The following DCC variants were observed in gnomAD, a reference collection of about 807,000 sequenced individuals.
DCC encodes netrin receptor DCC.
In DCC, 58 loss-of-function variants were observed where a neutral mutation model predicts 172.5. The observed-to-expected ratio is 0.34, with a 90% confidence interval of 0.27 to 0.42. The LOEUF is 0.42. DCC is among the 10% of genes least tolerant of loss of function. The pLI is 1.00. For missense variants in DCC, 1,740 were observed against 1,791.0 expected (o/e 0.97, Z 0.51); for synonymous variants, 709 against 644.5 (o/e 1.10, Z -1.52).
chr18:53,307,279 G>A (rs2057211738), intron 13 of DCC, among the ~76,000 whole-genome samples: 1 of 152,114 alleles, frequency 6.6e-6, no homozygotes, highest in Non-Finnish European at 1.5e-5. Context: ...AAAAGATTTT[G>A]AAAAGCCAAT....
intron 3 of DCC, among the ~76,000 whole-genome samples, chr18:52,914,540 TC>T (rs1449667678): frequency 7.9e-6 from 1 of 125,840 alleles, no homozygotes; most frequent in African/African-American, 2.8e-5. Context: ...TCCCTCCATG[TC>T]CAAAAGCTCC....
At chr18:53,257,849 T>A (rs1278724246) in intron 12 of DCC, among the ~76,000 whole-genome samples, 4 of 152,192 alleles carry the variant, frequency 2.6e-5, no homozygotes, top group African/African-American at 9.7e-5. Flanking sequence ...CCTGGACTTT[T>A]TTTGGTTGGT....
intron 1 of DCC, among the ~76,000 whole-genome samples, chr18:52,649,190 G>A (rs2035076087): frequency 6.6e-6 from 1 of 152,006 alleles, no homozygotes; most frequent in South Asian, 2.1e-4. Context: ...TGGCTAACAC[G>A]GTAAAACCCC....
At chr18:53,425,014 G>C (rs981926732) in intron 21 of DCC, among the ~76,000 whole-genome samples, 1 of 152,038 alleles carries the variant, frequency 6.6e-6, no homozygotes, top group Non-Finnish European at 1.5e-5. Context: ...GCTTGGAGGG[G>C]TGTGACTGTG....
intron 12 of DCC, among the ~76,000 whole-genome samples, chr18:53,221,447 G>A (rs541810846): frequency 5.3e-5 from 8 of 152,106 alleles, no homozygotes; most frequent in Non-Finnish European, 1.0e-4. Flanking sequence ...ATTAAGTGTG[G>A]CTAGATGAAA....
chr18:53,367,082 G>A (rs978388216), intron 15 of DCC, among the ~76,000 whole-genome samples: 1 of 152,082 alleles, frequency 6.6e-6, no homozygotes, highest in Admixed American at 6.6e-5. Context: ...TTATTGTATT[G>A]CACACAAGAA....
At chr18:52,510,715 T>C (rs2144646488) in intron 1 of DCC, among the ~76,000 whole-genome samples, 1 of 152,312 alleles carries the variant, frequency 6.6e-6, no homozygotes, top group African/African-American at 2.4e-5. Context: ...TTTGTGCCCT[T>C]ATCGTAGGGA....
intron 1 of DCC, among the ~76,000 whole-genome samples, chr18:52,427,913 C>T (rs1598810614): frequency 7.4e-6 from 1 of 134,928 alleles, no homozygotes; most frequent in African/African-American, 3.0e-5. Flanking sequence ...TTTTGAAACA[C>T]TCAAAGTATT....
At chr18:52,992,151 G>A (rs988510099) in intron 5 of DCC, among the ~76,000 whole-genome samples, 3 of 152,292 alleles carry the variant, frequency 2.0e-5, no homozygotes, top group Admixed American at 6.5e-5. Flanking sequence ...GAAGCATGAC[G>A]CTTAGTCATT....
chr18:53,446,124 A>AAAAAAAACAAAAAAAC (rs369426007), intron 22 of DCC, among the ~76,000 whole-genome samples: 1 of 117,174 alleles, frequency 8.5e-6, no homozygotes, highest in Non-Finnish European at 1.8e-5. Flanking sequence ...ACAAAAAAAA[A>AAAAAAAACAAAAAAAC]CACTTAAAAA....
At chr18:53,261,458 G>T (rs1008808242) in intron 12 of DCC, among the ~76,000 whole-genome samples, 1 of 152,106 alleles carries the variant, frequency 6.6e-6, no homozygotes, top group African/African-American at 2.4e-5. Context: ...AAGGAGCTGG[G>T]TCATACTTAT....
At position 52,906,311 on chromosome 18, in the gene DCC, A is replaced by G; in HGVS notation, c.680A>G (p.Glu227Gly). 6.2e-7 allele frequency: 1 copy of G among 1,613,980 alleles called. No homozygotes were observed. The change falls in exon 3 of 29, where the codon GAA (glutamate) becomes GGA (glycine). Residue 227 changes from glutamate (E) to glycine (G), a missense_variant. By Grantham distance (98) the Glu-to-Gly change is moderately conservative (BLOSUM62 -2). Coordinates refer to ENST00000442544, the MANE Select transcript of DCC (RefSeq NM_005215.4). ...PASSRTGNEA[E>G]VRILSDPGLH... ...AGCTCAAGAACAGGAAATGAAGCAG[A>G]AGTCAGAATTTTATCAGGTATTGCA...
chr18:52,816,439 C>G (rs769045023), intron 2 of DCC, among the ~76,000 whole-genome samples: 1 of 152,210 alleles, frequency 6.6e-6, no homozygotes, highest in East Asian at 1.9e-4. Flanking sequence ...AAGTCCTTTT[C>G]AAGGTGGCGG....
intron 1 of DCC, among the ~76,000 whole-genome samples, chr18:52,554,278 C>T (rs1336611616): frequency 6.6e-6 from 1 of 152,086 alleles, no homozygotes; most frequent in Non-Finnish European, 1.5e-5. Flanking sequence ...TATCCATTTT[C>T]ATGACATGCC....
chr18:53,428,678 A>G (rs1369964135), intron 21 of DCC, among the ~76,000 whole-genome samples: 1 of 62,976 alleles, frequency 1.6e-5, no homozygotes, highest in Non-Finnish European at 3.1e-5. Flanking sequence ...TATATAATAT[A>G]TATTTTTATA....
intron 5 of DCC, among the ~76,000 whole-genome samples, chr18:52,963,027 G>A (rs538425129): frequency 1.3e-5 from 2 of 151,400 alleles, no homozygotes; most frequent in Non-Finnish European, 2.9e-5. Context: ...GATGGGTGCA[G>A]CACACCAACA....
In DCC at chr18:52,720,302, G is replaced by A. The variant is rs79654258; in HGVS notation, c.92-31752G>A. Among the ~76,000 whole-genome samples, 1,202 of 152,160 alleles carry A rather than the reference G, an allele frequency of 7.9e-3. 18 individuals carry two copies. The highest frequency in any genetic ancestry group is 0.027 in the African/African-American group (1,131 of 41,518). ...AGCTCTTATCTAAAACTAACAAAGGGGGTTTTACTTGAGTTCTATGAGCGC... is the reference window on the plus strand; with the variant it reads ...AGCTCTTATCTAAAACTAACAAAGGAGGTTTTACTTGAGTTCTATGAGCGC... On this transcript the variant is annotated intron_variant, in intron 1 of 28. Coordinates refer to ENST00000442544, the MANE Select transcript of DCC (RefSeq NM_005215.4).
At chr18:53,084,635 G>C (rs1203209561) in intron 7 of DCC, among the ~76,000 whole-genome samples, 1 of 152,156 alleles carries the variant, frequency 6.6e-6, no homozygotes, top group Non-Finnish European at 1.5e-5. Flanking sequence ...CACAAGCCAA[G>C]CACTGTGGGT....
chr18:52,476,493 G>C lies in DCC; in HGVS notation c.91+135615G>C, dbSNP rs560272991. On this transcript the variant is annotated intron_variant, in intron 1 of 28. Coordinates refer to ENST00000442544, the MANE Select transcript of DCC (RefSeq NM_005215.4). Reference sequence around the variant, plus strand: ...GGCAAGCTTTTCATTTGTATAATCTGTCATATAATACCACTGCCTTTTAAG... The same window carrying C: ...GGCAAGCTTTTCATTTGTATAATCTCTCATATAATACCACTGCCTTTTAAG... Among the ~76,000 whole-genome samples the C allele has an allele frequency of 1.3e-4, 20 of 152,284 alleles. No homozygotes were observed. In the South Asian group the frequency reaches 4.1e-3, roughly 32 times the overall value.
Sources: gnomAD v4.1 joint callset for allele counts (sites outside exome capture counted in the v4.1 genomes callset) on GRCh38, gnomAD v4.1.1 for gene constraint, MANE v1.5 for transcripts, NCBI Gene and HGNC (gene_info 2026-07-23, HGNC 2026-07-21) for gene names.